The following CCDC191 variants were observed in gnomAD, a reference collection of about 807,000 sequenced individuals.
CCDC191 encodes coiled-coil domain-containing protein 191.
CCDC191 carries 99 observed loss-of-function variants against 114.0 expected under a neutral mutation model. That is an observed-to-expected ratio of 0.87 (90% CI 0.74 to 1.03). The LOEUF (loss-of-function observed/expected upper bound fraction) is 1.03, where lower values mean the gene tolerates loss of function less well. CCDC191 is among the 50% of genes least tolerant of loss of function. The pLI is 0.00. For missense variants in CCDC191, 973 were observed against 1,087.0 expected (o/e 0.90, Z 1.47); for synonymous variants, 351 against 376.0 (o/e 0.93, Z 0.77).
rs2076407468 is a variant in CCDC191, at chr3:114,031,731, G to A, written c.867C>T (p.Val289=). ...EENSQNSSEK[V]MFQSTHILPD... is the part of the protein sequence containing the mutation. ...GAAGAATGTGAGTACTTTGAAACAT[G>A]ACTTTTTCTGAACTATTTTGAGAAT... The change falls in exon 7 of 17, where the codon GTC becomes GTT. Residue 289 remains valine, a synonymous_variant. Coordinates refer to ENST00000295878, the MANE Select transcript of CCDC191 (RefSeq NM_020817.2). 3 of 1,529,404 alleles carry A rather than the reference G, an allele frequency of 2.0e-6. No homozygotes were observed. Among genetic ancestry groups the A allele is most frequent in the Non-Finnish European group, 1.8e-6 (2 of 1,104,146 alleles). 94.7% of individuals were successfully genotyped at this position (1,529,404 alleles called of 1,614,324 possible). A position where few individuals can be genotyped will look rare whatever the true frequency, so the allele number is the denominator to read the frequency against.
intron 13 of CCDC191, among the ~76,000 whole-genome samples, chr3:113,991,404 C>T (rs1212812142): frequency 6.6e-6 from 1 of 151,858 alleles, no homozygotes; most frequent in Non-Finnish European, 1.5e-5. Context: ...ATGTAGTTTA[C>T]CGTATTAGTA....
At chr3:114,001,308 T>C (rs1280445665) in intron 13 of CCDC191, among the ~76,000 whole-genome samples, 1 of 152,108 alleles carries the variant, frequency 6.6e-6, no homozygotes, top group African/African-American at 2.4e-5. Flanking sequence ...CTGTCAATAA[T>C]GTTCTGAAGG....
intron 2 of CCDC191, among the ~76,000 whole-genome samples, chr3:114,048,236 A>G (rs2076656335): frequency 6.6e-6 from 1 of 152,116 alleles, no homozygotes; most frequent in South Asian, 2.1e-4. Context: ...CATTGCTACC[A>G]TGTTGGTCCA....
chr3:114,005,474 A>G (rs749804973), intron 10 of CCDC191, 34 bp downstream of exon 10: 1 of 1,555,190 alleles, frequency 6.4e-7, no homozygotes, highest in Admixed American at 2.0e-5. Flanking sequence ...ACCCCTTAAA[A>G]TGAGTCCAGC....
intron 3 of CCDC191, among the ~76,000 whole-genome samples, chr3:114,046,212 G>T (rs1397861020): frequency 6.6e-6 from 1 of 152,182 alleles, no homozygotes; most frequent in African/African-American, 2.4e-5. Context: ...TGGGACATAG[G>T]AAGGTTAAAC....
Position 114,028,402 on chromosome 3 carries a change from C to T in CCDC191, c.972+3224G>A, listed in dbSNP as rs1577445993. ...CTGGGTTCACGCCATTCTCCTGCCT[C>T]AGCCTCCCGAGTAGCTGGGACTACA... is the stretch of plus-strand genomic sequence containing the variant. On this transcript the variant is annotated intron_variant, in intron 7 of 16. Transcript: ENST00000295878. Among the ~76,000 whole-genome samples, 4 of 151,490 alleles carry T rather than the reference C, an allele frequency of 2.6e-5. No individual in the cohort carries two copies. In the South Asian group the frequency reaches 8.3e-4, roughly 32 times the overall value.
chr3:113,997,754 A>G (rs779954043), intron 13 of CCDC191, among the ~76,000 whole-genome samples: 1 of 152,196 alleles, frequency 6.6e-6, no homozygotes, highest in South Asian at 2.1e-4. Flanking sequence ...GTTTGGGTCA[A>G]TGAAAGACTG....
intron 16 of CCDC191, among the ~76,000 whole-genome samples, chr3:113,973,296 TA>T (rs1941002954): frequency 6.6e-6 from 1 of 152,218 alleles, no homozygotes; most frequent in South Asian, 2.1e-4. Context: ...CTGTTTTTGC[TA>T]GATGTGTCTT....
At chr3:113,987,068 T>C (rs2075386165) in intron 13 of CCDC191, among the ~76,000 whole-genome samples, 1 of 151,138 alleles carries the variant, frequency 6.6e-6, no homozygotes, top group Non-Finnish European at 1.5e-5. Flanking sequence ...TTACAGTAGA[T>C]GTCTTGTGAG....
At chr3:114,054,843 C>T (rs1352350996) in intron 1 of CCDC191, among the ~76,000 whole-genome samples, 1 of 152,062 alleles carries the variant, frequency 6.6e-6, no homozygotes, top group Non-Finnish European at 1.5e-5. Context: ...GCAGAATTCC[C>T]TCTAATAGTC....
chr3:113,991,053 T>C (rs978609784), intron 13 of CCDC191, among the ~76,000 whole-genome samples: 1 of 149,516 alleles, frequency 6.7e-6, no homozygotes, highest in Non-Finnish European at 1.5e-5. Context: ...CTGGCCAACA[T>C]GGTGAAACCC....
intron 8 of CCDC191, among the ~76,000 whole-genome samples, chr3:114,013,015 T>C (rs324557): frequency 0.52 from 79,200 of 151,944 alleles, 20,762 homozygotes; most frequent in Middle Eastern, 0.61. Context: ...TTTGGGAGGC[T>C]GAGGTGAGTG....
chr3:113,994,291 T>G (rs538325350), intron 13 of CCDC191, among the ~76,000 whole-genome samples: 1 of 152,334 alleles, frequency 6.6e-6, no homozygotes, highest in Non-Finnish European at 1.5e-5. Flanking sequence ...ATGAAAGGAT[T>G]CTTAGCATTA....
At chr3:114,003,321 A>G (rs1223345843) in intron 11 of CCDC191, 15 of 985,278 alleles carry the variant, frequency 1.5e-5, no homozygotes, top group African/African-American at 1.7e-5. Flanking sequence ...TCCTTGTGCC[A>G]TATTTTAGAG....
chr3:114,000,252 T>C lies in CCDC191; in HGVS notation c.2163+1343A>G, dbSNP rs142489820. Among the ~76,000 whole-genome samples the C allele has an allele frequency of 3.4e-4, 52 of 151,310 alleles. No homozygotes were observed. In the East Asian group the frequency reaches 5.8e-3, roughly 17 times the overall value. On this transcript the variant is annotated intron_variant, in intron 13 of 16. Coordinates refer to ENST00000295878, the MANE Select transcript of CCDC191 (RefSeq NM_020817.2). ...TCATCCAATCTGCTGAGAGCCTGAATAGAACTTTCAAAAAGGAGGAGGAAG... is the reference window on the plus strand; with the variant it reads ...TCATCCAATCTGCTGAGAGCCTGAACAGAACTTTCAAAAAGGAGGAGGAAG...
intron 8 of CCDC191, among the ~76,000 whole-genome samples, chr3:114,015,845 T>C (rs1377874638): frequency 6.6e-6 from 1 of 152,164 alleles, no homozygotes; most frequent in Non-Finnish European, 1.5e-5. Context: ...ACAATTCCTA[T>C]TAGGAAAAGC....
At position 114,035,062 on chromosome 3, in the gene CCDC191, A is replaced by C. The variant is rs1410210760; in HGVS notation, c.681T>G (p.Ala227=). Residue 227 remains alanine (A), a synonymous_variant, in exon 6 of 17, where the codon GCT becomes GCG. Transcript: ENST00000295878. ...KTLKKSAFLE[A]QCLVQEEKKR... is the part of the protein sequence containing the mutation. ...TCTTCTCTTCTTGCACCAGACACTGAGCCTCCAAGAAGGCCGATTTTTTCA... is the reference window on the plus strand; with the variant it reads ...TCTTCTCTTCTTGCACCAGACACTGCGCCTCCAAGAAGGCCGATTTTTTCA... The C allele has an allele frequency of 1.9e-6, 3 of 1,613,996 alleles. No individual in the cohort carries two copies. Among genetic ancestry groups the C allele is most frequent in the Admixed American group, 3.3e-5 (2 of 60,002 alleles).
intron 7 of CCDC191, 140 bp from the exon 8 acceptor site, chr3:114,019,008 A>G (rs545547080): frequency 3.2e-4 from 235 of 741,010 alleles, no homozygotes; most frequent in Non-Finnish European, 3.3e-4. Flanking sequence ...GGAAAGGAAG[A>G]GACAAAGCAC....
At chr3:113,966,490 C>A (rs1045434287) in intron 16 of CCDC191, among the ~76,000 whole-genome samples, 1 of 152,254 alleles carries the variant, frequency 6.6e-6, no homozygotes, top group Admixed American at 6.5e-5. Flanking sequence ...TGGTGAGGAG[C>A]AGACCTTTTT....
Sources: allele counts gnomAD v4.1 joint callset (sites outside exome capture counted in the v4.1 genomes callset), GRCh38; gene constraint gnomAD v4.1.1; transcripts MANE v1.5; gene names NCBI Gene and HGNC (gene_info 2026-07-23, HGNC 2026-07-21).